NCS1: variants seen among roughly 807,000 people sequenced by gnomAD.
NCS1 encodes the protein neuronal calcium sensor 1.
In NCS1, 6 loss-of-function variants were observed where a neutral mutation model predicts 28.4. The observed-to-expected ratio is 0.21, with a 90% CI of 0.12 to 0.42. The LOEUF is 0.42. Ranked by LOEUF, NCS1 falls within the 10% of genes least tolerant of loss-of-function variation. The pLI is 1.00. For missense variants in NCS1, 131 were observed against 241.4 expected (o/e 0.54, Z 3.03); for synonymous variants, 86 against 99.3 (o/e 0.87, Z 0.79).
intron 4 of NCS1, among the ~76,000 whole-genome samples, chr9:130,220,340 A>G (rs782764456): frequency 1.1e-4 from 17 of 152,250 alleles, no homozygotes; most frequent in Admixed American, 7.9e-4. Flanking sequence ...GGGGGATAAG[A>G]TAGATGGGTC....
intron 1 of NCS1, among the ~76,000 whole-genome samples, chr9:130,179,672 C>T (rs1554904972): frequency 1.3e-5 from 2 of 152,136 alleles, no homozygotes; most frequent in African/African-American, 4.8e-5. Flanking sequence ...GCATTCTTGC[C>T]AGCACTGGGT....
intron 1 of NCS1, among the ~76,000 whole-genome samples, chr9:130,193,356 G>A (rs1285474306): frequency 6.6e-6 from 1 of 152,112 alleles, no homozygotes; most frequent in African/African-American, 2.4e-5. Flanking sequence ...CTGCAGGTGG[G>A]GACTGGATGG....
intron 2 of NCS1, among the ~76,000 whole-genome samples, chr9:130,208,721 AG>A (rs1833066432): frequency 6.6e-6 from 1 of 152,230 alleles, no homozygotes. Context: ...GTGGGCGCGG[AG>A]ACAGCCTCTC....
chr9:130,205,747 T>C (rs945392454), intron 2 of NCS1, among the ~76,000 whole-genome samples: 1 of 150,976 alleles, frequency 6.6e-6, no homozygotes, highest in Admixed American at 6.6e-5. Flanking sequence ...GATGGGAAGA[T>C]CGCTTGGGCC....
intron 1 of NCS1, among the ~76,000 whole-genome samples, chr9:130,189,851 T>A (rs1588111657): frequency 1.6e-5 from 1 of 63,310 alleles, no homozygotes; most frequent in Non-Finnish European, 2.6e-5. Flanking sequence ...GAAGATAGAC[T>A]CCATCTCAAA....
In NCS1 at chr9:130,194,695, T is replaced by C. The variant is rs550976796; in HGVS notation, c.65-6263T>C. Among the ~76,000 whole-genome samples the C allele has an allele frequency of 2.0e-5, 3 of 152,284 alleles. No homozygotes were observed. The South Asian group carries it at 6.2e-4, about 32-fold the overall frequency. On this transcript the variant is annotated intron_variant, in intron 1 of 7. Transcript: ENST00000372398. ...CAGGCTTCAAGTGGCCCTGACAGGATGGCACCCCAGAACTTTCCCCTGTCT... is the reference window on the plus strand; with the variant it reads ...CAGGCTTCAAGTGGCCCTGACAGGACGGCACCCCAGAACTTTCCCCTGTCT...
At chr9:130,176,889 C>T (rs922620398) in intron 1 of NCS1, among the ~76,000 whole-genome samples, 2 of 152,238 alleles carry the variant, frequency 1.3e-5, no homozygotes, top group Admixed American at 1.3e-4. Flanking sequence ...TTAAAGGCTT[C>T]TGAGGCCACT....
At chr9:130,207,004 C>A (rs1449197360) in intron 2 of NCS1, among the ~76,000 whole-genome samples, 1 of 152,174 alleles carries the variant, frequency 6.6e-6, no homozygotes, top group African/African-American at 2.4e-5. Context: ...GTGTGGGGCT[C>A]CCCTTGTCTC....
At chr9:130,190,366 A>G (rs1485200597) in intron 1 of NCS1, among the ~76,000 whole-genome samples, 3 of 152,174 alleles carry the variant, frequency 2.0e-5, no homozygotes, top group African/African-American at 4.8e-5. Context: ...CTCTGAGGCC[A>G]CTGTGTACAT....
At chr9:130,185,398 C>T (rs375601605) in intron 1 of NCS1, among the ~76,000 whole-genome samples, 2 of 152,212 alleles carry the variant, frequency 1.3e-5, no homozygotes, top group African/African-American at 4.8e-5. Context: ...CTTTGCTTTC[C>T]GTTTCTGTCC....
chr9:130,193,465 G>A (rs1428017839), intron 1 of NCS1, among the ~76,000 whole-genome samples: 4 of 152,144 alleles, frequency 2.6e-5, no homozygotes, highest in African/African-American at 4.8e-5. Flanking sequence ...GGGCATTCTC[G>A]TATTTTTGAG....
In NCS1 at chr9:130,224,147, A is replaced by G. The variant is rs531299092; in HGVS notation, c.474+988A>G. On this transcript the variant is annotated intron_variant, in intron 6 of 7. Coordinates refer to ENST00000372398, the MANE Select transcript of NCS1 (RefSeq NM_014286.4). Reference sequence around the variant, plus strand: ...AGGCGTGAGCCACCGTGCCTGGCCAAGAAACCCTTCTTTAAAGGGAACCAA... The same window carrying G: ...AGGCGTGAGCCACCGTGCCTGGCCAGGAAACCCTTCTTTAAAGGGAACCAA... 4.1e-3 allele frequency among the ~76,000 whole-genome samples: 622 copies of G among 149,996 alleles called. 2 individuals are homozygous for G. The highest frequency in any genetic ancestry group is 0.01 in the Middle Eastern group (3 of 294).
intron 2 of NCS1, among the ~76,000 whole-genome samples, chr9:130,216,438 G>A (rs782504252): frequency 1.1e-4 from 17 of 152,160 alleles, no homozygotes; most frequent in Non-Finnish European, 1.8e-4. Context: ...TTCCTCGGCC[G>A]GGCACTGTGG....
At position 130,186,032 on chromosome 9, in the gene NCS1, A is replaced by G. The variant is rs1832734125; in HGVS notation, c.64+13305A>G. On this transcript the variant is annotated intron_variant, in intron 1 of 7. Coordinates refer to ENST00000372398, the MANE Select transcript of NCS1 (RefSeq NM_014286.4). This position sits in a 1 kb window ranked among gnomAD's most constrained non-coding sequence, Gnocchi z 4.1. ...TTGAGAAGAGATCTAGGTGCATCTCAAGGAAGGAGGCATGGCCAGCAGGGA... is the reference window on the plus strand; with the variant it reads ...TTGAGAAGAGATCTAGGTGCATCTCGAGGAAGGAGGCATGGCCAGCAGGGA... 1.3e-5 allele frequency among the ~76,000 whole-genome samples: 2 copies of G among 152,218 alleles called. No homozygotes were observed. Among genetic ancestry groups the G allele is most frequent in the South Asian group, 4.1e-4 (2 of 4,834 alleles).
intron 1 of NCS1, among the ~76,000 whole-genome samples, chr9:130,172,990 G>T (rs1217781361): frequency 1.3e-5 from 2 of 151,870 alleles, no homozygotes; most frequent in East Asian, 3.9e-4. Context: ...CGGAGGGGCA[G>T]CCCCAGCCCC....
Position 130,180,029 on chromosome 9 carries a change from A to G in NCS1, c.64+7302A>G, listed in dbSNP as rs1357108474. Among the ~76,000 whole-genome samples the G allele has an allele frequency of 2.6e-5, 4 of 151,302 alleles. No individual in the cohort carries two copies. Among genetic ancestry groups the G allele is most frequent in the African/African-American group, 4.9e-5 (2 of 41,088 alleles). Reference sequence around the variant, plus strand: ...TATCTATCTATCTATCTATCTATCTATCTATCTATCTATCTATCTATCGAG... The same window carrying G: ...TATCTATCTATCTATCTATCTATCTGTCTATCTATCTATCTATCTATCGAG... On this transcript the variant is annotated intron_variant, in intron 1 of 7. Coordinates refer to ENST00000372398, the MANE Select transcript of NCS1 (RefSeq NM_014286.4). The surrounding 1 kb of genome is among the most constrained non-coding windows in gnomAD (Gnocchi z 4.5).
rs1833086467 is a variant in NCS1 at position 130,209,802 on chromosome 9, C to G, written c.90-8030C>G. 6.6e-6 allele frequency among the ~76,000 whole-genome samples: 1 copy of G among 152,180 alleles called. No homozygotes were observed. Among genetic ancestry groups the G allele is most frequent in the Non-Finnish European group, 1.5e-5 (1 of 68,044 alleles). ...AATCTAGGATTTTCTTTTCTCATCT[C>G]TACCCTGTCTCGTGGAGCTGGTTCC... On this transcript the variant is annotated intron_variant, in intron 2 of 7. Transcript: ENST00000372398. The surrounding 1 kb of genome is among the most constrained non-coding windows in gnomAD (Gnocchi z 4.4).
chr9:130,216,162 G>C (rs1265124995), intron 2 of NCS1, among the ~76,000 whole-genome samples: 2 of 152,188 alleles, frequency 1.3e-5, no homozygotes, highest in Non-Finnish European at 2.9e-5. Context: ...CGTCCTCTCT[G>C]TATGGACCCT....
chr9:130,224,449 T>C (rs1179810605), intron 6 of NCS1, among the ~76,000 whole-genome samples: 1 of 145,010 alleles, frequency 6.9e-6, no homozygotes, highest in Non-Finnish European at 1.5e-5. Flanking sequence ...TCCCAGCTAC[T>C]CGGGAGGCTG....
Sources: allele counts gnomAD v4.1 joint callset (sites outside exome capture counted in the v4.1 genomes callset), GRCh38; gene constraint gnomAD v4.1.1; non-coding constraint Gnocchi (gnomAD v3.1); transcripts MANE v1.5; gene names NCBI Gene and HGNC (gene_info 2026-07-23, HGNC 2026-07-21).